CGGBP1: variants seen among roughly 807,000 people sequenced by gnomAD.
CGGBP1 encodes CGG triplet repeat binding protein 1, also known as CGG triplet repeat-binding protein 1.
A neutral mutation model predicts 11.4 loss-of-function variants in CGGBP1; 4 were observed. The observed-to-expected ratio is 0.35, with a 90% CI of 0.17 to 0.80. The LOEUF is 0.80. Ranked by LOEUF, CGGBP1 falls within the 30% of genes least tolerant of loss-of-function variation. The pLI, the probability that CGGBP1 is intolerant of heterozygous loss-of-function variation, is 0.52. For synonymous variants in CGGBP1, 76 were observed against 74.1 expected (o/e 1.03, Z -0.13); for missense variants, 135 against 202.1 (o/e 0.67, Z 2.01).
At chr3:88,109,197 A>G (rs1215871024) in intron 2 of CGGBP1, among the ~76,000 whole-genome samples, 1 of 147,732 alleles carries the variant, frequency 6.8e-6, no homozygotes, top group Non-Finnish European at 1.5e-5. Flanking sequence ...AAAACCGTTA[A>G]CTTTTTCCTC....
rs1207110408 is a variant in CGGBP1 at position 88,052,721 on chromosome 3, T to A, written c.*2752A>T. 3 of 152,398 alleles carry A rather than the reference T, an allele frequency of 2.0e-5. No homozygotes were observed. Among genetic ancestry groups the A allele is most frequent in the Admixed American group, 6.5e-5 (1 of 15,284 alleles). 9.4% of individuals were successfully genotyped at this position (152,398 alleles called of 1,614,324 possible). On this transcript the variant is annotated 3_prime_UTR_variant, in exon 4 of 4. Coordinates refer to ENST00000482016, the MANE Select transcript of CGGBP1 (RefSeq NM_001008390.2). ...GCATTAACTGGAAATAGCATTTTTT[T>A]AAAGTCTTAATCAAAGATGATAATG...
intron 2 of CGGBP1, among the ~76,000 whole-genome samples, chr3:88,118,599 C>T (rs1705559145): frequency 6.6e-6 from 1 of 152,116 alleles, no homozygotes; most frequent in South Asian, 2.1e-4. Flanking sequence ...CTCTAGAGTA[C>T]TTGGAATAAG....
chr3:88,118,354 G>A (rs1008328854), intron 2 of CGGBP1, among the ~76,000 whole-genome samples: 6 of 152,160 alleles, frequency 3.9e-5, no homozygotes, highest in East Asian at 1.9e-4. Flanking sequence ...ATCTCACTGC[G>A]TAATATACCA....
chr3:88,142,683 A>G (rs969194118), intron 1 of CGGBP1: 2 of 152,334 alleles, frequency 1.3e-5, no homozygotes, highest in African/African-American at 4.8e-5. Context: ...ATTTTATTCT[A>G]TTAGGAGAGG....
At position 88,052,243 on chromosome 3, in the gene CGGBP1, A is replaced by G. The variant is rs1286758806; in HGVS notation, c.*3230T>C. On this transcript the variant is annotated 3_prime_UTR_variant, in exon 4 of 4. Transcript: ENST00000482016. ...GTGGGTGGAGATAAACCAGTTTAGG[A>G]TAGCCACTTCACTATTCACATTTTA... 6.6e-6 allele frequency: 1 copy of G among 152,664 alleles called. No individual in the cohort carries two copies. Among genetic ancestry groups the G allele is most frequent in the South Asian group, 2.1e-4 (1 of 4,838 alleles). 9.5% of individuals were successfully genotyped at this position (152,664 alleles called of 1,614,324 possible).
chr3:88,083,046 C>CTCCTCCCTCT (rs982297015), intron 2 of CGGBP1, among the ~76,000 whole-genome samples: 2 of 151,810 alleles, frequency 1.3e-5, no homozygotes, highest in South Asian at 2.1e-4. Flanking sequence ...CTCCTCACTC[C>CTCCTCCCTCT]TCCTCCCTCT....
chr3:88,149,852 C>G, exon 1 of CGGBP1: 1 of 613,646 alleles, frequency 1.6e-6, no homozygotes. Context: ...CACTCCGTCC[C>G]CAGCCCGGAA....
chr3:88,081,733 G>T (rs958879917), intron 2 of CGGBP1, among the ~76,000 whole-genome samples: 4 of 152,082 alleles, frequency 2.6e-5, no homozygotes, highest in African/African-American at 4.8e-5. Flanking sequence ...ACCACAACAA[G>T]TTCCAGGCTC....
At chr3:88,114,195 T>C (rs1351985848) in intron 2 of CGGBP1, among the ~76,000 whole-genome samples, 1 of 151,982 alleles carries the variant, frequency 6.6e-6, no homozygotes, top group Non-Finnish European at 1.5e-5. Context: ...AAATGAAAAA[T>C]TGACAGATTC....
chr3:88,083,069 T>G (rs748908122), intron 2 of CGGBP1, among the ~76,000 whole-genome samples: 2 of 151,374 alleles, frequency 1.3e-5, no homozygotes, highest in Non-Finnish European at 2.9e-5. Flanking sequence ...CTCCCTCTTC[T>G]TCCTCACTCT....
At chr3:88,115,286 C>T (rs1022362221) in intron 2 of CGGBP1, among the ~76,000 whole-genome samples, 1 of 152,160 alleles carries the variant, frequency 6.6e-6, no homozygotes, top group Non-Finnish European at 1.5e-5. Context: ...CTCTTTCCCC[C>T]CGCTGTATTT....
At chr3:88,137,513 G>C (rs766243291) in intron 2 of CGGBP1, among the ~76,000 whole-genome samples, 2 of 152,136 alleles carry the variant, frequency 1.3e-5, no homozygotes, top group Non-Finnish European at 2.9e-5. Flanking sequence ...ACTGTCACCT[G>C]TAATTTAGGA....
chr3:88,112,303 TTAGG>T (rs1483583883), intron 2 of CGGBP1, among the ~76,000 whole-genome samples: 8 of 151,942 alleles, frequency 5.3e-5, no homozygotes, highest in South Asian at 2.1e-4. Flanking sequence ...AAAAACAACT[TTAGG>T]TAGTTACACT....
intron 2 of CGGBP1, among the ~76,000 whole-genome samples, chr3:88,065,142 C>T (rs1707121001): frequency 6.6e-6 from 1 of 152,102 alleles, no homozygotes; most frequent in Non-Finnish European, 1.5e-5. Context: ...CAAATTTTGG[C>T]ACATTTGGGA....
intron 2 of CGGBP1, among the ~76,000 whole-genome samples, chr3:88,078,235 A>G (rs763041375): frequency 3.3e-5 from 5 of 152,170 alleles, no homozygotes; most frequent in African/African-American, 9.6e-5. Flanking sequence ...ATTATCTTCT[A>G]TTAAATCAAC....
intron 1 of CGGBP1, chr3:88,142,614 A>G (rs1707187448): frequency 6.6e-6 from 1 of 152,426 alleles, no homozygotes; most frequent in South Asian, 2.1e-4. Flanking sequence ...ATCTAAGTAC[A>G]GTCCTATTAA....
At chr3:88,113,254 C>T in intron 2 of CGGBP1, 1 of 1,050,524 alleles carries the variant, frequency 9.5e-7, no homozygotes, top group South Asian at 1.5e-5. Flanking sequence ...CCATTATGCT[C>T]CCCCTAAATA....
intron 2 of CGGBP1, among the ~76,000 whole-genome samples, chr3:88,065,058 ATTTAAT>A (rs1474111987): frequency 3.9e-5 from 6 of 152,226 alleles, no homozygotes; most frequent in Non-Finnish European, 8.8e-5. Flanking sequence ...GCATTGATAA[ATTTAAT>A]TGCATTGATG....
chr3:88,061,887 A>C (rs949092390), upstream of CGGBP1, among the ~76,000 whole-genome samples: 17 of 152,150 alleles, frequency 1.1e-4, no homozygotes, highest in Admixed American at 6.5e-4. Context: ...AAGTACATGA[A>C]TTATACAGAC....
Sources: allele counts gnomAD v4.1 joint callset (sites outside exome capture counted in the v4.1 genomes callset), GRCh38; gene constraint gnomAD v4.1.1; transcripts MANE v1.5; gene names NCBI Gene and HGNC (gene_info 2026-07-23, HGNC 2026-07-21).